The following ATP6V1H variants were observed in gnomAD, a reference collection of about 807,000 sequenced individuals.
ATP6V1H encodes V-type proton ATPase subunit H.
Under a neutral mutation model 71.7 loss-of-function variants are expected in ATP6V1H, and 39 were observed. The ratio of observed to expected loss-of-function variants is 0.54; its 90% CI spans 0.42 to 0.71. The LOEUF (loss-of-function observed/expected upper bound fraction) is 0.71, where lower values mean the gene tolerates loss of function less well. Among genes scored for constraint, ATP6V1H ranks in the 30% least tolerant of loss-of-function variants. The probability of loss-of-function intolerance (pLI) is 0.00; values close to 1 mark genes in which losing one functional copy is unlikely to be tolerated. For missense variants in ATP6V1H, 509 were observed against 594.9 expected, an observed-to-expected ratio of 0.86 and a Z score of 1.50; for synonymous variants, 192 against 199.3, an observed-to-expected ratio of 0.96 and a Z score of 0.31.
chr8:53,830,897 A>T (rs1004182837), intron 3 of ATP6V1H, among the ~76,000 whole-genome samples: 1 of 152,188 alleles, frequency 6.6e-6, no homozygotes, highest in Non-Finnish European at 1.5e-5. Context: ...TCCATTGCAC[A>T]TGCGGTTGGG....
intron 2 of ATP6V1H, 95 bp downstream of exon 2, chr8:53,841,483 A>G (rs1196818189): frequency 7.3e-7 from 1 of 1,377,514 alleles, no homozygotes; most frequent in East Asian, 2.3e-5. Context: ...ATTTTTCAGT[A>G]TTTTCCCTGT....
intron 8 of ATP6V1H, 126 bp from the exon 9 acceptor site, chr8:53,795,965 G>A: frequency 1.3e-6 from 1 of 794,046 alleles, no homozygotes; most frequent in Non-Finnish European, 1.9e-6. Context: ...TTTTCTGCCA[G>A]CAATAACAAG....
chr8:53,769,558 G>A (rs1808583295), intron 11 of ATP6V1H, 60 bp downstream of exon 11: 1 of 1,493,328 alleles, frequency 6.7e-7, no homozygotes, highest in East Asian at 2.4e-5. Flanking sequence ...ACAAAAACGA[G>A]TGTTGGTGAG....
rs191067031 is a variant in ATP6V1H at position 53,825,880 on chromosome 8, A to T, written c.306+3564T>A. Among the ~76,000 whole-genome samples the T allele has an allele frequency of 6.7e-3, 1,011 of 151,840 alleles. 1 individual carries two copies. Among genetic ancestry groups the T allele is most frequent in the South Asian group, 0.016 (77 of 4,816 alleles). ...ATTACTCAAAATCTAGATTAAAAAA[A>T]TTTTTTTTTATAAATTAGACTATAT... On this transcript the variant is annotated intron_variant, in intron 4 of 13. Transcript: ENST00000359530.
intron 13 of ATP6V1H, among the ~76,000 whole-genome samples, chr8:53,727,956 C>T (rs1413751496): frequency 6.6e-6 from 1 of 152,114 alleles, no homozygotes; most frequent in Non-Finnish European, 1.5e-5. Context: ...CCTGTCACTT[C>T]CATATTTTTA....
At chr8:53,755,724 ATATATATATATATATATATATTTTT>A (rs1808018535) in intron 12 of ATP6V1H, among the ~76,000 whole-genome samples, 2 of 5,910 alleles carry the variant, frequency 3.4e-4, no homozygotes, top group African/African-American at 2.4e-3. Context: ...ATATATATAT[ATATATATATATATATATATATTTTT>A]TTTTTTTTTT....
At chr8:53,776,697 T>C (rs1697640958) in intron 9 of ATP6V1H, among the ~76,000 whole-genome samples, 1 of 152,190 alleles carries the variant, frequency 6.6e-6, no homozygotes, top group Non-Finnish European at 1.5e-5. Context: ...CAGGAAAATG[T>C]GACCAACACT....
At chr8:53,833,178 G>T in intron 2 of ATP6V1H, 92 bp from the exon 3 acceptor site, 2 of 959,348 alleles carry the variant, frequency 2.1e-6, no homozygotes, top group Non-Finnish European at 3.2e-6. Context: ...TCTCTCCTTG[G>T]CAGCAAACCA....
intron 12 of ATP6V1H, among the ~76,000 whole-genome samples, chr8:53,753,473 C>T (rs1023661785): frequency 1.3e-5 from 2 of 152,202 alleles, no homozygotes. Flanking sequence ...GAAGGCATAG[C>T]AGGCTTCTGC....
intron 13 of ATP6V1H, among the ~76,000 whole-genome samples, chr8:53,732,138 C>T (rs373236230): frequency 2.6e-4 from 40 of 152,244 alleles, no homozygotes; most frequent in African/African-American, 8.4e-4. Flanking sequence ...GATGAACAGG[C>T]GTGCCTTTAT....
In ATP6V1H at chr8:53,751,198, T is replaced by C. The variant is rs1393922145; in HGVS notation, c.1277+5357A>G. Among the ~76,000 whole-genome samples, 4 of 152,158 alleles carry C rather than the reference T, an allele frequency of 2.6e-5. No homozygotes were observed. In the East Asian group the frequency reaches 5.8e-4, roughly 22 times the overall value. ...TACTGTGTAAACATGAAAAAAACAA[T>C]ATGTCTGATGAAGTGCTGAGGTAGA... On this transcript the variant is annotated intron_variant, in intron 12 of 13. Coordinates refer to ENST00000359530, the MANE Select transcript of ATP6V1H (RefSeq NM_015941.4).
chr8:53,772,910 AAAAAAAAAAAAAC>A (rs1172679002), intron 9 of ATP6V1H, among the ~76,000 whole-genome samples: 1 of 151,358 alleles, frequency 6.6e-6, no homozygotes, highest in Non-Finnish European at 1.5e-5. Flanking sequence ...ATGCAAAAAA[AAAAAAAAAAAAAC>A]AAAACAGTAA....
At chr8:53,789,055 T>C (rs544559304) in intron 9 of ATP6V1H, among the ~76,000 whole-genome samples, 13 of 152,322 alleles carry the variant, frequency 8.5e-5, no homozygotes, top group South Asian at 6.2e-4. Context: ...GCCTTACATA[T>C]ATTTGGTCTT....
intron 7 of ATP6V1H, among the ~76,000 whole-genome samples, chr8:53,808,318 C>T (rs1487366733): frequency 6.6e-6 from 1 of 152,232 alleles, no homozygotes; most frequent in East Asian, 1.9e-4. Context: ...GCTGTCCTGC[C>T]TTCCTCAGAA....
At chr8:53,718,921 T>C (rs573514852) in intron 13 of ATP6V1H, among the ~76,000 whole-genome samples, 2 of 152,158 alleles carry the variant, frequency 1.3e-5, no homozygotes, top group African/African-American at 4.8e-5. Flanking sequence ...GGTTTGAGTA[T>C]TGTAGGTCAA....
At chr8:53,777,405 TGA>T (rs1008190183) in intron 9 of ATP6V1H, among the ~76,000 whole-genome samples, 1 of 150,954 alleles carries the variant, frequency 6.6e-6, no homozygotes. Flanking sequence ...ATGATTTTGC[TGA>T]GAGAGAGCAT....
intron 7 of ATP6V1H, among the ~76,000 whole-genome samples, chr8:53,803,802 C>T (rs974402920): frequency 2.6e-5 from 4 of 152,016 alleles, no homozygotes; most frequent in Admixed American, 2.0e-4. Context: ...ATTAAGTCAT[C>T]AGGTAGAAAC....
intron 9 of ATP6V1H, among the ~76,000 whole-genome samples, chr8:53,783,716 T>C (rs1212557898): frequency 1.3e-5 from 2 of 152,190 alleles, no homozygotes; most frequent in East Asian, 1.9e-4. Flanking sequence ...GCTTTGAATG[T>C]GTCCCAGAGA....
chr8:53,725,319 A>AT (rs1806776450), intron 13 of ATP6V1H, among the ~76,000 whole-genome samples: 1 of 152,158 alleles, frequency 6.6e-6, no homozygotes, highest in Admixed American at 6.5e-5. Flanking sequence ...GACTCTACAG[A>AT]GTCCTCACCA....
Sources: allele counts gnomAD v4.1 joint callset (sites outside exome capture counted in the v4.1 genomes callset), GRCh38; gene constraint gnomAD v4.1.1; transcripts MANE v1.5; gene names NCBI Gene and HGNC (gene_info 2026-07-23, HGNC 2026-07-21).